The following MAP4 variants were observed in gnomAD, a reference collection of about 807,000 sequenced individuals.
MAP4 encodes microtubule associated protein 4.
MAP4 carries 76 observed loss-of-function variants against 170.2 expected under a neutral mutation model. The observed-to-expected ratio is 0.45, with a 90% CI of 0.37 to 0.54. The LOEUF (loss-of-function observed/expected upper bound fraction) is 0.54. Among genes scored for constraint, MAP4 ranks in the 20% least tolerant of loss-of-function variants. MAP4 has a pLI of 0.00. For missense variants in MAP4, 2,506 were observed against 2,748.0 expected (o/e 0.91, Z 1.97); for synonymous variants, 909 against 994.5 (o/e 0.91, Z 1.62).
At chr3:47,934,422 C>T (rs1051421787) in intron 3 of MAP4, among the ~76,000 whole-genome samples, 12 of 152,154 alleles carry the variant, frequency 7.9e-5, no homozygotes, top group Middle Eastern at 3.2e-3. Context: ...CTCACCTCAG[C>T]TTCTTGAGTA....
intron 2 of MAP4, among the ~76,000 whole-genome samples, chr3:47,985,132 T>A (rs1276942164): frequency 6.6e-6 from 1 of 151,090 alleles, no homozygotes; most frequent in African/African-American, 2.4e-5. Flanking sequence ...ATACAAAAAT[T>A]AGCCAGGCAT....
chr3:47,958,669 C>T (rs1262133623), intron 3 of MAP4, among the ~76,000 whole-genome samples: 2 of 149,808 alleles, frequency 1.3e-5, no homozygotes, highest in Non-Finnish European at 3.0e-5. Flanking sequence ...GGGGTGTGCA[C>T]CACACCCGGC....
intron 1 of MAP4, among the ~76,000 whole-genome samples, chr3:48,056,980 A>C: frequency 1.3e-5 from 1 of 78,402 alleles, no homozygotes; most frequent in Non-Finnish European, 2.5e-5. Flanking sequence ...TCCGGGAGGG[A>C]GGTGGGGGGG....
At chr3:48,055,179 TCC>T (rs2100130174) in intron 1 of MAP4, among the ~76,000 whole-genome samples, 1 of 33,228 alleles carries the variant, frequency 3.0e-5, no homozygotes, top group Non-Finnish European at 8.1e-5. Flanking sequence ...TTAAAAAGTC[TCC>T]CTCTCCCTCT....
chr3:48,052,570 T>C (rs1245558490), intron 1 of MAP4, among the ~76,000 whole-genome samples: 1 of 152,170 alleles, frequency 6.6e-6, no homozygotes, highest in Non-Finnish European at 1.5e-5. Flanking sequence ...GATGCACAAC[T>C]GTGAAAATAC....
At chr3:48,070,751 A>C in intron 1 of MAP4, among the ~76,000 whole-genome samples, 1 of 151,880 alleles carries the variant, frequency 6.6e-6, no homozygotes, top group East Asian at 1.9e-4. Context: ...CTGTAATCCC[A>C]GCACTTTGGG....
chr3:47,939,619 T>A (rs940085038), intron 3 of MAP4, among the ~76,000 whole-genome samples: 4 of 152,030 alleles, frequency 2.6e-5, no homozygotes, highest in African/African-American at 9.7e-5. Flanking sequence ...CAAAATAATT[T>A]AAACAATAGC....
At chr3:48,045,517 C>G (rs1160229920) in intron 1 of MAP4, among the ~76,000 whole-genome samples, 1 of 152,082 alleles carries the variant, frequency 6.6e-6, no homozygotes, top group Non-Finnish European at 1.5e-5. Context: ...TGATGATCTT[C>G]TGAGGTGGAA....
At chr3:48,074,840 ATTC>A (rs72435580) in intron 1 of MAP4, among the ~76,000 whole-genome samples, 4,038 of 152,028 alleles carry the variant, frequency 0.027, 174 homozygotes, top group African/African-American at 0.092. Context: ...CTTAAAAAAT[ATTC>A]TTGAAAGAAA....
intron 3 of MAP4, among the ~76,000 whole-genome samples, chr3:47,929,468 C>A (rs944887254): frequency 6.6e-6 from 1 of 151,836 alleles, no homozygotes; most frequent in Non-Finnish European, 1.5e-5. Flanking sequence ...TGGCTATCTA[C>A]AAACATAATA....
chr3:48,027,147 C>T (rs1418534253), intron 1 of MAP4, among the ~76,000 whole-genome samples: 2 of 152,204 alleles, frequency 1.3e-5, no homozygotes, highest in African/African-American at 4.8e-5. Flanking sequence ...AGTAAGACTT[C>T]CTGAAGTCTC....
chr3:47,902,673 CAA>C (rs3051642), intron 10 of MAP4, among the ~76,000 whole-genome samples: 4 of 25,776 alleles, frequency 1.6e-4, no homozygotes, highest in African/African-American at 3.7e-4. Context: ...GACTCTGTCT[CAA>C]AAAAAAAAAA....
intron 3 of MAP4, among the ~76,000 whole-genome samples, chr3:47,944,887 T>G (rs1578090956): frequency 6.6e-6 from 1 of 151,898 alleles, no homozygotes; most frequent in East Asian, 1.9e-4. Context: ...GACTGGATAT[T>G]TGGTACTAGG....
intron 1 of MAP4, among the ~76,000 whole-genome samples, chr3:48,080,518 C>T (rs916698273): frequency 1.3e-5 from 2 of 152,190 alleles, no homozygotes; most frequent in African/African-American, 4.8e-5. Context: ...AATGAGACTG[C>T]TTTCCTTAGG....
At chr3:47,947,864 T>G (rs1242803632) in intron 3 of MAP4, among the ~76,000 whole-genome samples, 3 of 152,102 alleles carry the variant, frequency 2.0e-5, no homozygotes, top group Middle Eastern at 6.8e-3. Flanking sequence ...AATCTCTGCT[T>G]CTTTGCATTA....
rs762720819 is a variant in MAP4, at chr3:47,909,653, C to A, written c.4768G>T (p.Ala1590Ser). ...TCTGCATATCCTTCTAGGGCTCTGG[C>A]CTCTCCTGGTAGGCTCTGGTCTTCT... ...PVEDQSLPGE[A>S]RALEGYADRG... The change falls in exon 9 of 21, where the codon GCC becomes TCC. Residue 1590 changes from alanine to serine, a missense_variant. Coordinates refer to ENST00000683076, the MANE Select transcript of MAP4 (RefSeq NM_001385682.1). 8.7e-6 allele frequency: 14 copies of A among 1,613,974 alleles called. No homozygotes were observed. In the South Asian group the frequency reaches 1.2e-4, roughly 14 times the overall value.
intron 1 of MAP4, among the ~76,000 whole-genome samples, chr3:48,062,936 A>G (rs1043291304): frequency 8.6e-5 from 13 of 151,758 alleles, no homozygotes; most frequent in African/African-American, 2.9e-4. Context: ...AAAAAAAAAA[A>G]AAAGAAAGAA....
chr3:47,936,597 G>A (rs559207136), intron 3 of MAP4, among the ~76,000 whole-genome samples: 1 of 151,918 alleles, frequency 6.6e-6, no homozygotes, highest in South Asian at 2.1e-4. Context: ...TAACATTGAG[G>A]AAATCTCTAA....
intron 17 of MAP4, among the ~76,000 whole-genome samples, chr3:47,861,008 G>T (rs1415692321): frequency 6.6e-6 from 1 of 152,080 alleles, no homozygotes. Flanking sequence ...TGGATCATTT[G>T]AGGTCAGGAG....
Sources: allele counts gnomAD v4.1 joint callset (sites outside exome capture counted in the v4.1 genomes callset), GRCh38; gene constraint gnomAD v4.1.1; transcripts MANE v1.5; gene names NCBI Gene and HGNC (gene_info 2026-07-23, HGNC 2026-07-21).